Variants in GLRX5 observed in about 807,000 individuals in gnomAD.
GLRX5 encodes the protein glutaredoxin-related protein 5, mitochondrial.
A neutral mutation model predicts 13.8 loss-of-function variants in GLRX5; 10 were observed. The observed-to-expected ratio is 0.72, with a 90% CI of 0.45 to 1.23. The LOEUF (loss-of-function observed/expected upper bound fraction) is 1.23. GLRX5 is among the 50% of genes most tolerant of loss of function. The probability of loss-of-function intolerance (pLI) is 0.00; values close to 1 mark genes in which losing one functional copy is unlikely to be tolerated. For missense variants in GLRX5, 233 were observed against 215.2 expected (o/e 1.08, Z -0.52); for synonymous variants, 98 against 101.1 (o/e 0.97, Z 0.18).
At chr14:95,541,473 C>T (rs1007813) in intron 1 of GLRX5, among the ~76,000 whole-genome samples, 50,561 of 152,180 alleles carry the variant, frequency 0.33, 9,210 homozygotes, top group Non-Finnish European at 0.4. Context: ...GCCTATTACA[C>T]CTATTCATCT....
intron 1 of GLRX5, among the ~76,000 whole-genome samples, chr14:95,538,979 C>T (rs577947739): frequency 1.3e-5 from 2 of 152,326 alleles, no homozygotes; most frequent in African/African-American, 2.4e-5. Flanking sequence ...GGCCAGGGAT[C>T]GAGGACTTAC....
chr14:95,544,060 G>C lies in GLRX5; in HGVS notation c.409G>C (p.Glu137Gln). ...GCACCAGAATGGGGACTTGGTGGAAGAACTGAAAAAGCTGGGGATCCACTC... is the reference window on the plus strand; with the variant it reads ...GCACCAGAATGGGGACTTGGTGGAACAACTGAAAAAGCTGGGGATCCACTC... ...QMHQNGDLVE[E>Q]LKKLGIHSAL... The change falls in exon 2 of 2, where the codon GAA becomes CAA. Residue 137 changes from glutamate (E) to glutamine (Q), a missense_variant. Glu to Gln is a conservative substitution (Grantham distance 29). Transcript: ENST00000331334. The C allele has an allele frequency of 6.2e-7, 1 of 1,614,124 alleles. No homozygotes were observed. Among genetic ancestry groups the C allele is most frequent in the Admixed American group, 1.7e-5 (1 of 60,028 alleles).
chr14:95,539,181 G>A (rs1015015361), intron 1 of GLRX5, among the ~76,000 whole-genome samples: 4 of 152,196 alleles, frequency 2.6e-5, no homozygotes, highest in South Asian at 2.1e-4. Context: ...GTTTCATCCC[G>A]AAGCTATCCC....
chr14:95,536,046 A>G (rs895827693), intron 1 of GLRX5, among the ~76,000 whole-genome samples: 6 of 152,210 alleles, frequency 3.9e-5, no homozygotes, highest in African/African-American at 9.7e-5. Context: ...ATACTCAAGC[A>G]CAGGGCTGAA....
Position 95,535,297 on chromosome 14 carries a change from A to G in GLRX5, c.208A>G (p.Ser70Gly), listed in dbSNP as rs888641515. Residue 70 changes from serine (S) to glycine (G), a missense_variant, in exon 1 of 2, where the codon AGC becomes GGC. Transcript: ENST00000331334. ...GCCGGAGCAGCCCCAGTGCGGCTTC[A>G]GCAACGCCGTGGTGCAGATCCTGCG... is the stretch of plus-strand genomic sequence containing the variant. The part of the protein sequence containing the change: ...GTPEQPQCGF[S>G]NAVVQILRLH... 7 of 1,563,330 alleles carry G rather than the reference A, an allele frequency of 4.5e-6. No individual in the cohort carries two copies. The highest frequency in any genetic ancestry group is 6.1e-6 in the Non-Finnish European group (7 of 1,154,462).
intron 1 of GLRX5, among the ~76,000 whole-genome samples, chr14:95,538,244 A>C (rs1402347544): frequency 6.6e-6 from 1 of 152,246 alleles, no homozygotes; most frequent in East Asian, 1.9e-4. Flanking sequence ...ATTTTAATAA[A>C]TAAATAAATA....
Position 95,544,436 on chromosome 14 carries a change from CATT to C in GLRX5, c.*315_*317del. The C allele has an allele frequency of 3.0e-6, 1 of 334,332 alleles. No homozygotes were observed. Among genetic ancestry groups the C allele is most frequent in the Non-Finnish European group, 5.6e-6 (1 of 177,412 alleles). 20.7% of individuals were successfully genotyped at this position (334,332 alleles called of 1,614,324 possible). On this transcript the variant is annotated 3_prime_UTR_variant, in exon 2 of 2. Transcript: ENST00000331334. ...AGAAGTTAAATAGGAGCTTTGGAAT[CATT>C]ATTCATGACCCCTCTGCAAATGTGT...
intron 1 of GLRX5, among the ~76,000 whole-genome samples, chr14:95,537,646 C>T (rs1045431865): frequency 1.3e-5 from 2 of 152,194 alleles, no homozygotes; most frequent in Admixed American, 1.3e-4. Context: ...TGTTTGTACA[C>T]CAGATCCAAG....
chr14:95,537,441 A>G (rs1356897317), intron 1 of GLRX5, among the ~76,000 whole-genome samples: 1 of 152,210 alleles, frequency 6.6e-6, no homozygotes, highest in Non-Finnish European at 1.5e-5. Flanking sequence ...AATATAACAT[A>G]CCTCTTTTAT....
intron 1 of GLRX5, among the ~76,000 whole-genome samples, chr14:95,537,832 G>A (rs1378489307): frequency 1.3e-5 from 2 of 152,192 alleles, no homozygotes; most frequent in Admixed American, 1.3e-4. Flanking sequence ...GTGACCCAAG[G>A]AACAAAGGTG....
chr14:95,542,145 A>G (rs970768959), intron 1 of GLRX5, among the ~76,000 whole-genome samples: 2 of 152,276 alleles, frequency 1.3e-5, no homozygotes, highest in African/African-American at 2.4e-5. Context: ...ATTTGAGGAC[A>G]GAGTTTGAAG....
At chr14:95,543,341 TA>T (rs3071412) in intron 1 of GLRX5, 220 of 315,496 alleles carry the variant, frequency 7.0e-4, no homozygotes, top group East Asian at 2.6e-3. Flanking sequence ...TGTTAAAAAT[TA>T]AAAAAAAAAA....
intron 1 of GLRX5, among the ~76,000 whole-genome samples, chr14:95,540,732 C>G (rs1891460264): frequency 6.6e-6 from 1 of 152,194 alleles, no homozygotes; most frequent in Admixed American, 6.5e-5. Flanking sequence ...ATATCAGATT[C>G]TGAAGCTACT....
At chr14:95,538,518 A>G (rs1891419369) in intron 1 of GLRX5, among the ~76,000 whole-genome samples, 1 of 152,310 alleles carries the variant, frequency 6.6e-6, no homozygotes, top group South Asian at 2.1e-4. Context: ...TTGGATAACA[A>G]GTTGTGTGTA....
At chr14:95,542,912 A>T (rs1891494221) in intron 1 of GLRX5, 1 of 401,054 alleles carries the variant, frequency 2.5e-6, no homozygotes, top group African/African-American at 2.0e-5. Context: ...GAGGAATGTT[A>T]AGAGTAATCT....
rs1405984497 is a variant in GLRX5, at chr14:95,535,146, G to A, written c.57G>A (p.Ala19=). The stretch of plus-strand genomic sequence containing the variant: ...CTCTGCTCCGCTGGGGGCGCGGCGC[G>A]GGCGGCGGTGGCCTTTGGGGTCCGG... The part of the protein sequence containing the change: ...AAALLRWGRG[A]GGGGLWGPGV... The change falls in exon 1 of 2, where the codon GCG becomes GCA. Residue 19 remains alanine (A), a synonymous_variant. Coordinates refer to ENST00000331334, the MANE Select transcript of GLRX5 (RefSeq NM_016417.3). The A allele has an allele frequency of 2.4e-6, 3 of 1,248,550 alleles. 1 individual carries two copies. The highest frequency in any genetic ancestry group is 3.0e-6 in the Non-Finnish European group (3 of 993,352). 77.3% of individuals were successfully genotyped at this position (1,248,550 alleles called of 1,614,324 possible). A position where few individuals can be genotyped will look rare whatever the true frequency, so the allele number is the denominator to read the frequency against.
intron 1 of GLRX5, among the ~76,000 whole-genome samples, chr14:95,539,307 T>C (rs1427163417): frequency 6.6e-6 from 1 of 152,172 alleles, no homozygotes; most frequent in African/African-American, 2.4e-5. Flanking sequence ...GCAGCATGGC[T>C]TGCAATAATG....
At chr14:95,538,581 A>C (rs1311065074) in intron 1 of GLRX5, among the ~76,000 whole-genome samples, 2 of 152,218 alleles carry the variant, frequency 1.3e-5, no homozygotes, top group Non-Finnish European at 2.9e-5. Context: ...AAATGGTACC[A>C]ACACTTTGGA....
At position 95,538,886 on chromosome 14, in the gene GLRX5, G is replaced by T. The variant is rs112081191; in HGVS notation, c.295+3502G>T. On this transcript the variant is annotated intron_variant, in intron 1 of 1. Transcript: ENST00000331334. The stretch of plus-strand genomic sequence containing the variant: ...TTAATTACGAAGTAGACTGGATTTG[G>T]CCTGAAGACCATAGTTTATCTGTCC... 8.3e-3 allele frequency among the ~76,000 whole-genome samples: 1,261 copies of T among 152,294 alleles called. 21 individuals carry two copies. Among genetic ancestry groups the T allele is most frequent in the African/African-American group, 0.029 (1,206 of 41,548 alleles).
Sources: allele counts gnomAD v4.1 joint callset (sites outside exome capture counted in the v4.1 genomes callset), GRCh38; gene constraint gnomAD v4.1.1; transcripts MANE v1.5; gene names NCBI Gene and HGNC (gene_info 2026-07-23, HGNC 2026-07-21).